The following SLC36A1 variants were observed in gnomAD, a reference collection of about 807,000 sequenced individuals.
The protein encoded by SLC36A1 is solute carrier family 36 member 1, also known as proton-coupled amino acid transporter 1.
Under a neutral mutation model 47.5 loss-of-function variants are expected in SLC36A1, and 30 were observed. That is an observed-to-expected ratio of 0.63 (90% CI 0.47 to 0.86). SLC36A1 has a LOEUF of 0.86. Ranked by LOEUF, SLC36A1 falls within the 40% of genes least tolerant of loss-of-function variation. The pLI is 0.00. For synonymous variants in SLC36A1, 255 were observed against 249.7 expected, an observed-to-expected ratio of 1.02 and a Z score of -0.20; for missense variants, 517 against 606.0, an observed-to-expected ratio of 0.85 and a Z score of 1.54.
At chr5:151,430,317 A>G in the SLC36A1 span, among the ~76,000 whole-genome samples, 2 of 137,060 alleles carry the variant, frequency 1.5e-5, no homozygotes, top group Non-Finnish European at 3.1e-5. Context: ...GGTGTGCGCC[A>G]CCACACCTGG....
At chr5:151,497,953 CT>C in the SLC36A1 span, among the ~76,000 whole-genome samples, 2 of 136,938 alleles carry the variant, frequency 1.5e-5, no homozygotes, top group African/African-American at 2.7e-5. Flanking sequence ...TTTTTTTTTT[CT>C]TTTTTTTTGA....
chr5:151,482,313 C>T (rs1264560781), intron 10 of SLC36A1, among the ~76,000 whole-genome samples: 1 of 152,134 alleles, frequency 6.6e-6, no homozygotes, highest in Non-Finnish European at 1.5e-5. Context: ...CTCATAAGGC[C>T]TCAGGGTCCT....
Position 151,467,302 on chromosome 5 carries a change from A to AAC in SLC36A1, c.504+20_504+21insCA. 4.6e-5 allele frequency: 66 copies of AAC among 1,423,308 alleles called. No homozygotes were observed. The highest frequency in any genetic ancestry group is 5.8e-5 in the Non-Finnish European group (61 of 1,050,770). 88.2% of individuals were successfully genotyped at this position (1,423,308 alleles called of 1,614,324 possible). On this transcript the variant is annotated intron_variant, in intron 6 of 10. Transcript: ENST00000243389. Reference sequence around the variant, plus strand: ...TAAACAGGTAGGCACCTGGTTAAAAAAGAAAAAAAAAAAAAAAACCAGAGC... The same window carrying AAC: ...TAAACAGGTAGGCACCTGGTTAAAAAACAGAAAAAAAAAAAAAAAACCAGAGC...
At chr5:151,540,174 G>C in the SLC36A1 span, among the ~76,000 whole-genome samples, 2 of 152,326 alleles carry the variant, frequency 1.3e-5, no homozygotes, top group Middle Eastern at 3.4e-3. Flanking sequence ...GGGAATGTAG[G>C]GGGAGAGATG....
At chr5:151,550,142 G>T in the SLC36A1 span, among the ~76,000 whole-genome samples, 1 of 152,186 alleles carries the variant, frequency 6.6e-6, no homozygotes, top group Admixed American at 6.5e-5. Flanking sequence ...AATTTAAAGA[G>T]GCTCTGACTC....
the SLC36A1 span, among the ~76,000 whole-genome samples, chr5:151,366,089 G>A: frequency 6.6e-6 from 1 of 152,224 alleles, no homozygotes; most frequent in Non-Finnish European, 1.5e-5. Flanking sequence ...ATGTATGTGT[G>A]CACATACTCT....
At chr5:151,517,906 G>A in the SLC36A1 span, 4 of 1,036,946 alleles carry the variant, frequency 3.9e-6, no homozygotes, top group Non-Finnish European at 5.6e-6. Flanking sequence ...GGCTGGGTGT[G>A]GGGTGTGCCA....
the SLC36A1 span, among the ~76,000 whole-genome samples, chr5:151,362,234 T>C: frequency 6.6e-6 from 1 of 152,188 alleles, no homozygotes; most frequent in Non-Finnish European, 1.5e-5. Context: ...TTTTAATATC[T>C]TGTAGACATT....
At chr5:151,347,718 G>T in the SLC36A1 span, 4 of 506,582 alleles carry the variant, frequency 7.9e-6, no homozygotes, top group African/African-American at 5.8e-5. Flanking sequence ...ATTCGTATTG[G>T]TATTACTTAA....
At chr5:151,347,057 A>G in the SLC36A1 span, among the ~76,000 whole-genome samples, 11 of 152,308 alleles carry the variant, frequency 7.2e-5, no homozygotes, top group African/African-American at 1.9e-4. Flanking sequence ...GGTCCAGGGT[A>G]ATTGAGCCTC....
the SLC36A1 span, among the ~76,000 whole-genome samples, chr5:151,352,655 G>C: frequency 4.7e-4 from 71 of 152,258 alleles, no homozygotes; most frequent in African/African-American, 1.5e-3. Context: ...TGTTGTTGTT[G>C]TTCTTCTTCC....
At chr5:151,354,372 G>A in the SLC36A1 span, among the ~76,000 whole-genome samples, 2 of 152,148 alleles carry the variant, frequency 1.3e-5, no homozygotes, top group African/African-American at 2.4e-5. Flanking sequence ...ATTGGCATGC[G>A]TTTTTAATTC....
At chr5:151,400,668 G>GT in the SLC36A1 span, among the ~76,000 whole-genome samples, 2 of 151,788 alleles carry the variant, frequency 1.3e-5, no homozygotes, top group Non-Finnish European at 2.9e-5. Flanking sequence ...GCCAATACCC[G>GT]TTTTTTGTTT....
At chr5:151,408,576 A>G in the SLC36A1 span, among the ~76,000 whole-genome samples, 1 of 152,368 alleles carries the variant, frequency 6.6e-6, no homozygotes, top group Admixed American at 6.5e-5. Context: ...ATATACATAC[A>G]TACTACAAAT....
chr5:151,549,095 C>T, the SLC36A1 span, among the ~76,000 whole-genome samples: 1 of 152,138 alleles, frequency 6.6e-6, no homozygotes, highest in African/African-American at 2.4e-5. Context: ...GTGGTCCTTA[C>T]TCATATTGTA....
At chr5:151,456,550 ATT>A (rs370189889) in intron 1 of SLC36A1, among the ~76,000 whole-genome samples, 1 of 150,582 alleles carries the variant, frequency 6.6e-6, no homozygotes, top group African/African-American at 2.4e-5. Flanking sequence ...TACTTCAGAG[ATT>A]TTTTTTTTCT....
At chr5:151,368,633 C>CT in the SLC36A1 span, among the ~76,000 whole-genome samples, 3 of 152,120 alleles carry the variant, frequency 2.0e-5, no homozygotes, top group African/African-American at 7.2e-5. Flanking sequence ...AGGTTCAGGC[C>CT]TTTTTTTGGT....
At chr5:151,402,604 A>T in the SLC36A1 span, among the ~76,000 whole-genome samples, 1 of 152,262 alleles carries the variant, frequency 6.6e-6, no homozygotes, top group African/African-American at 2.4e-5. Context: ...TTTGGCTGTA[A>T]ATCCATCTGG....
At chr5:151,411,794 C>G in the SLC36A1 span, among the ~76,000 whole-genome samples, 5 of 144,316 alleles carry the variant, frequency 3.5e-5, 2 homozygotes, top group Non-Finnish European at 7.6e-5. Context: ...TAAGAAAATA[C>G]CTGCTTGTTG....
Sources: allele counts gnomAD v4.1 joint callset (sites outside exome capture counted in the v4.1 genomes callset), GRCh38; gene constraint gnomAD v4.1.1; transcripts MANE v1.5; gene names NCBI Gene and HGNC (gene_info 2026-07-23, HGNC 2026-07-21).